PATL2: variants seen among roughly 807,000 people sequenced by gnomAD.
PATL2 encodes the protein protein PAT1 homolog 2.
A neutral mutation model predicts 77.0 loss-of-function variants in PATL2; 73 were observed. The ratio of observed to expected loss-of-function variants is 0.95; its 90% CI spans 0.78 to 1.15. The LOEUF is 1.15. PATL2 is among the 50% of genes most tolerant of loss of function. The pLI, the probability that PATL2 is intolerant of heterozygous loss-of-function variation, is 0.00. For synonymous variants in PATL2, 265 were observed against 257.1 expected, an observed-to-expected ratio of 1.03 and a Z score of -0.29; for missense variants, 618 against 655.4, an observed-to-expected ratio of 0.94 and a Z score of 0.62.
At chr15:44,676,275 TTGA>T in intron 4 of PATL2, 197 bp downstream of exon 4, 1 of 600,212 alleles carries the variant, frequency 1.7e-6, no homozygotes, top group Non-Finnish European at 3.0e-6. Flanking sequence ...TGGGTTGTTG[TTGA>T]TAATTTTACT....
chr15:44,665,851 T>C lies in PATL2; in HGVS notation c.*102A>G. The C allele has an allele frequency of 6.5e-7, 1 of 1,547,376 alleles. No homozygotes were observed. The highest frequency in any genetic ancestry group is 1.2e-5 in the South Asian group (1 of 83,534). ...AAGGGTTCTCCAATATATAAAGGCA[T>C]AAGAAATGTCTTCAGACTCTCTGGA... is the stretch of plus-strand genomic sequence containing the variant. On this transcript the variant is annotated 3_prime_UTR_variant, in exon 18 of 18. Transcript: ENST00000682850.
chr15:44,704,752 T>C (rs995819541), intron 3 of PATL2, among the ~76,000 whole-genome samples: 1 of 152,270 alleles, frequency 6.6e-6, no homozygotes, highest in African/African-American at 2.4e-5. Flanking sequence ...TCCTTTTCTT[T>C]CTGATTAAAG....
At chr15:44,666,269 C>A in intron 17 of PATL2, 123 bp downstream of exon 17, 1 of 1,319,710 alleles carries the variant, frequency 7.6e-7, no homozygotes, top group Non-Finnish European at 1.0e-6. Context: ...GTGTGTAGAA[C>A]CACTTCTAAA....
Position 44,675,674 on chromosome 15 carries a change from C to T in PATL2, c.34G>A (p.Gly12Ser). The T allele has an allele frequency of 6.4e-7, 1 of 1,550,432 alleles. No individual in the cohort carries two copies. The highest frequency in any genetic ancestry group is 8.7e-7 in the Non-Finnish European group (1 of 1,146,282). Residue 12 changes from glycine (G) to serine (S), a missense_variant, in exon 5 of 18, where the codon GGC becomes AGC. By Grantham distance (56) the Gly-to-Ser change is moderately conservative. Coordinates refer to ENST00000682850, the MANE Select transcript of PATL2 (RefSeq NM_001387263.1). ...AGCTCCTCCTCAGAAGCCAAGGGGC[C>T]ACAGGTCTTACCTGGCCCTTGGTTT... ...NCLEGPGKTC[G>S]PLASEEELVS...
rs969996610 is a variant in PATL2 at position 44,669,296 on chromosome 15, C to T, written c.1048G>A (p.Glu350Lys). 1.3e-6 allele frequency: 2 copies of T among 1,550,860 alleles called. No homozygotes were observed. Among genetic ancestry groups the T allele is most frequent in the African/African-American group, 1.4e-5 (1 of 73,012 alleles). ...EKLFQTLKTQ[E>K]QNNLEEAADG... ...CACACTCACTCCAGGTTGTTCTGCT[C>T]CTGGGTCTTTAAGGTCTGGAAGAGC... is the stretch of plus-strand genomic sequence containing the variant. Residue 350 changes from glutamate to lysine, a missense_variant, in exon 13 of 18, where the codon GAG becomes AAG. Physicochemically the swap from Glu to Lys is moderately conservative, Grantham distance 56. Coordinates refer to ENST00000682850, the MANE Select transcript of PATL2 (RefSeq NM_001387263.1).
intron 3 of PATL2, chr15:44,697,572 C>A (rs1485700241): frequency 6.6e-6 from 1 of 151,996 alleles, no homozygotes; most frequent in Admixed American, 6.6e-5. Context: ...ATCTAGTTCC[C>A]CTCACCTTCT....
At position 44,711,292 on chromosome 15, in the gene PATL2, C is replaced by A; in HGVS notation, c.-526G>T. The stretch of plus-strand genomic sequence containing the variant: ...CGGTGTCCCAAGCTGGGGCGCGCAC[C>A]CCAGATCGGAGGGCGCCGATGTACA... On this transcript the variant is annotated 5_prime_UTR_variant, in exon 1 of 18. Coordinates refer to ENST00000682850, the MANE Select transcript of PATL2 (RefSeq NM_001387263.1). 1 of 601,250 alleles carries A rather than the reference C, an allele frequency of 1.7e-6. No homozygotes were observed. Among genetic ancestry groups the A allele is most frequent in the Non-Finnish European group, 3.0e-6 (1 of 334,850 alleles). 37.2% of individuals were successfully genotyped at this position (601,250 alleles called of 1,614,324 possible).
In PATL2 at chr15:44,668,489, G is replaced by T; in HGVS notation, c.1225-7C>A. 6.5e-7 allele frequency: 1 copy of T among 1,549,818 alleles called. No individual in the cohort carries two copies. The highest frequency in any genetic ancestry group is 1.2e-5 in the South Asian group (1 of 83,832). On this transcript the variant is annotated splice_polypyrimidine_tract_variant and splice_region_variant and intron_variant, in intron 14 of 17. Coordinates refer to ENST00000682850, the MANE Select transcript of PATL2 (RefSeq NM_001387263.1). Reference sequence around the variant, plus strand: ...TGAATAACATTTGTAGGGCCTGCAAGAAGATCAGTAAGCACCTCCCAAATT... The same window carrying T: ...TGAATAACATTTGTAGGGCCTGCAATAAGATCAGTAAGCACCTCCCAAATT...
At chr15:44,676,704 C>T (rs1280408354) in intron 3 of PATL2, 139 bp from the exon 4 acceptor site, 1 of 1,184,366 alleles carries the variant, frequency 8.4e-7, no homozygotes, top group African/African-American at 1.6e-5. Flanking sequence ...ACCCTGGGGT[C>T]TCAGACTGCC....
At chr15:44,709,823 T>C (rs2086815563) in intron 3 of PATL2, among the ~76,000 whole-genome samples, 2 of 152,348 alleles carry the variant, frequency 1.3e-5, no homozygotes. Flanking sequence ...TTCTCTGTGA[T>C]GTAGTAAACA....
chr15:44,687,563 C>G (rs1241194062), intron 3 of PATL2, among the ~76,000 whole-genome samples: 2 of 152,150 alleles, frequency 1.3e-5, no homozygotes, highest in African/African-American at 4.8e-5. Context: ...CCAGGGCAAT[C>G]AGGCAAAAGA....
chr15:44,688,605 G>A (rs989634104), intron 3 of PATL2, among the ~76,000 whole-genome samples: 1 of 152,048 alleles, frequency 6.6e-6, no homozygotes, highest in Non-Finnish European at 1.5e-5. Flanking sequence ...AACAAGCAGT[G>A]GGGGAAAGGA....
intron 3 of PATL2, among the ~76,000 whole-genome samples, chr15:44,678,727 C>A (rs1428869769): frequency 6.6e-6 from 1 of 152,124 alleles, no homozygotes; most frequent in Admixed American, 6.5e-5. Context: ...AGGAGGATAG[C>A]TTGAGCCCAT....
intron 4 of PATL2, 73 bp downstream of exon 4, chr15:44,676,402 C>G (rs1471204306): frequency 7.7e-7 from 1 of 1,302,778 alleles, no homozygotes; most frequent in African/African-American, 1.5e-5. Flanking sequence ...CATCCAATCC[C>G]ATATGTGAAA....
At chr15:44,684,280 G>A (rs1225195570) in intron 3 of PATL2, among the ~76,000 whole-genome samples, 1 of 151,820 alleles carries the variant, frequency 6.6e-6, no homozygotes, top group Admixed American at 6.6e-5. Flanking sequence ...TCAGAAGGTG[G>A]GTAATAACAA....
intron 3 of PATL2, among the ~76,000 whole-genome samples, chr15:44,677,312 A>T (rs1176980254): frequency 6.6e-6 from 1 of 152,152 alleles, no homozygotes; most frequent in Non-Finnish European, 1.5e-5. Flanking sequence ...TGAAGCCCTC[A>T]AGTCCACCTG....
intron 11 of PATL2, 62 bp downstream of exon 11, chr15:44,669,715 G>A: frequency 6.5e-7 from 1 of 1,528,288 alleles, no homozygotes; most frequent in Non-Finnish European, 8.9e-7. Flanking sequence ...TTAAACACAA[G>A]AATGTTCTAG....
chr15:44,669,975 T>G lies in PATL2; in HGVS notation c.770A>C (p.Tyr257Ser). ...GTCAGCCCTGACCCTACCGGACTCA[T>G]AAGCCTCTGCCTTCGGAATGTAAGG... The part of the protein sequence containing the change: ...VTPYIPKAEA[Y>S]ESVVRIEGSL... Residue 257 changes from tyrosine (Y) to serine (S), a missense_variant, in exon 10 of 18, where the codon TAT becomes TCT. Tyr to Ser is a moderately radical substitution (Grantham distance 144). Coordinates refer to ENST00000682850, the MANE Select transcript of PATL2 (RefSeq NM_001387263.1). 1 of 1,549,206 alleles carries G rather than the reference T, an allele frequency of 6.5e-7. No homozygotes were observed.
In PATL2 at chr15:44,670,089, T is replaced by C. The variant is rs1394118949; in HGVS notation, c.658-2A>G. 1 of 1,551,506 alleles carries C rather than the reference T, an allele frequency of 6.4e-7. No homozygotes were observed. The highest frequency in any genetic ancestry group is 8.7e-7 in the Non-Finnish European group (1 of 1,146,956). On this transcript the variant is annotated splice_acceptor_variant, in intron 9 of 17. Transcript: ENST00000682850. LOFTEE classifies it high-confidence loss of function. ...CTTCTCTAGCTTCTGGTAATATTCC[T>C]GAGAATGCACGGAATAGGAAACAAA...
Sources: allele counts gnomAD v4.1 joint callset (sites outside exome capture counted in the v4.1 genomes callset), GRCh38; gene constraint gnomAD v4.1.1; transcripts MANE v1.5; gene names NCBI Gene and HGNC (gene_info 2026-07-23, HGNC 2026-07-21).